PCBP3: variants seen among roughly 807,000 people sequenced by gnomAD.
PCBP3 encodes the protein poly(rC)-binding protein 3.
In PCBP3, 25 loss-of-function variants were observed where a neutral mutation model predicts 52.7. The observed-to-expected ratio is 0.47, with a 90% CI of 0.35 to 0.66. The LOEUF is 0.66. Ranked by LOEUF, PCBP3 falls within the 30% of genes least tolerant of loss-of-function variation. The pLI, the probability that PCBP3 is intolerant of heterozygous loss-of-function variation, is 0.01. For missense variants in PCBP3, 391 were observed against 490.3 expected (o/e 0.80, Z 1.91); for synonymous variants, 162 against 183.0 (o/e 0.89, Z 0.93).
intron 13 of PCBP3, among the ~76,000 whole-genome samples, chr21:45,921,683 G>A (rs1387904859): frequency 6.6e-6 from 1 of 152,186 alleles, no homozygotes; most frequent in African/African-American, 2.4e-5. Context: ...GCCAGACGTG[G>A]TGGCACACGC....
intron 1 of PCBP3, among the ~76,000 whole-genome samples, chr21:45,665,972 T>C (rs1309468128): frequency 6.6e-5 from 10 of 152,192 alleles, no homozygotes; most frequent in Admixed American, 5.9e-4. Context: ...TCAACATATG[T>C]AAATCATTAA....
At chr21:45,679,086 T>C (rs1161279462) in intron 2 of PCBP3, among the ~76,000 whole-genome samples, 1 of 151,720 alleles carries the variant, frequency 6.6e-6, no homozygotes, top group African/African-American at 2.4e-5. Context: ...GCATTTTTTT[T>C]TTTTTTTTTT....
chr21:45,911,131 A>C, intron 11 of PCBP3, 101 bp downstream of exon 11: 1 of 1,366,216 alleles, frequency 7.3e-7, no homozygotes, highest in Non-Finnish European at 1.0e-6. Flanking sequence ...AAGGACTCAC[A>C]CAGTTGGGGC....
chr21:45,868,408 G>GTT (rs1422339005), intron 5 of PCBP3, among the ~76,000 whole-genome samples: 18 of 96,780 alleles, frequency 1.9e-4, no homozygotes, highest in Admixed American at 3.3e-4. Flanking sequence ...TGACTTATTT[G>GTT]TTCTTTTTTT....
intron 4 of PCBP3, among the ~76,000 whole-genome samples, chr21:45,826,207 G>A (rs942073101): frequency 6.6e-6 from 1 of 151,596 alleles, no homozygotes; most frequent in African/African-American, 2.4e-5. Flanking sequence ...GTGGTGAGCC[G>A]AGATTGCGGC....
chr21:45,711,614 C>T (rs1260037768), intron 2 of PCBP3, among the ~76,000 whole-genome samples: 1 of 152,192 alleles, frequency 6.6e-6, no homozygotes, highest in Non-Finnish European at 1.5e-5. Context: ...TCAGTGCTTA[C>T]AGTTCCTTTT....
chr21:45,901,725 TGA>T (rs1223547586), intron 9 of PCBP3: 8 of 122,770 alleles, frequency 6.5e-5, no homozygotes, highest in South Asian at 2.6e-4. Flanking sequence ...GAGAGAGAGA[TGA>T]GAGAGAGAGA....
rs1045115293 is a variant in PCBP3, at chr21:45,928,011, C to G, written c.718-1906C>G. On this transcript the variant is annotated intron_variant, in intron 13 of 17. Coordinates refer to ENST00000681687, the MANE Select transcript of PCBP3 (RefSeq NM_001384156.1). The surrounding 1 kb of genome is among the most constrained non-coding windows in gnomAD (Gnocchi z 4.1). The stretch of plus-strand genomic sequence containing the variant: ...CTGTGGATGAATTTGCCAGGAGTGT[C>G]TCACCCCGCCGTGGGCGATCTTGCC... Among the ~76,000 whole-genome samples the G allele has an allele frequency of 6.6e-6, 1 of 152,302 alleles. No individual in the cohort carries two copies. The highest frequency in any genetic ancestry group is 2.1e-4 in the South Asian group (1 of 4,828).
intron 2 of PCBP3, among the ~76,000 whole-genome samples, chr21:45,675,578 C>T (rs188520751): frequency 7.2e-5 from 11 of 152,276 alleles, no homozygotes; most frequent in Admixed American, 2.0e-4. Flanking sequence ...GAGCACTAGG[C>T]GTATTGCAGT....
chr21:45,931,316 G>A (rs544368276), intron 15 of PCBP3, among the ~76,000 whole-genome samples: 9 of 152,386 alleles, frequency 5.9e-5, no homozygotes, highest in South Asian at 2.1e-4. Flanking sequence ...CTAGGTGCCC[G>A]TGAAGAAGAT....
At chr21:45,671,634 G>A (rs1273443284) in intron 2 of PCBP3, among the ~76,000 whole-genome samples, 1 of 152,176 alleles carries the variant, frequency 6.6e-6, no homozygotes, top group African/African-American at 2.4e-5. Context: ...GAAAGAACCT[G>A]TTACAGGATT....
chr21:45,843,407 T>A (rs1170780213), intron 4 of PCBP3, among the ~76,000 whole-genome samples: 1 of 152,262 alleles, frequency 6.6e-6, no homozygotes, highest in African/African-American at 2.4e-5. Flanking sequence ...GTTTCTTTGC[T>A]TAACTTCTGA....
chr21:45,669,799 GTGTGTGTATATATA>G (rs1475604421), intron 2 of PCBP3, among the ~76,000 whole-genome samples: 393 of 88,136 alleles, frequency 4.5e-3, no homozygotes, highest in East Asian at 0.021. Context: ...GTGTGTGTGT[GTGTGTGTATATATA>G]TATATATATA....
chr21:45,660,505 G>A (rs558454276), intron 1 of PCBP3, among the ~76,000 whole-genome samples: 2 of 152,124 alleles, frequency 1.3e-5, no homozygotes, highest in South Asian at 4.1e-4. Context: ...TTTGCTTCTT[G>A]TTTTCTCTAT....
chr21:45,879,269 G>A (rs1390785514), intron 5 of PCBP3, among the ~76,000 whole-genome samples: 1 of 152,176 alleles, frequency 6.6e-6, no homozygotes, highest in Non-Finnish European at 1.5e-5. Flanking sequence ...ACAAGCGTTA[G>A]CCACTGCGCC....
intron 1 of PCBP3, among the ~76,000 whole-genome samples, chr21:45,665,541 A>G (rs1475187057): frequency 1.3e-5 from 2 of 152,228 alleles, no homozygotes; most frequent in Non-Finnish European, 2.9e-5. Flanking sequence ...ATATCCAAAC[A>G]TACGACCTTC....
intron 1 of PCBP3, among the ~76,000 whole-genome samples, chr21:45,660,074 C>G (rs2080283947): frequency 6.6e-6 from 1 of 151,938 alleles, no homozygotes; most frequent in Admixed American, 6.6e-5. Context: ...GTTGAACTGT[C>G]TGATTCTCCC....
At chr21:45,645,572 TTCAACATATAG>T in intron 1 of PCBP3, among the ~76,000 whole-genome samples, 1 of 152,368 alleles carries the variant, frequency 6.6e-6, no homozygotes, top group South Asian at 2.1e-4. Context: ...TGCGAAAAAG[TTCAACATATAG>T]TTGTATTTTG....
Position 45,880,718 on chromosome 21 carries a change from G to A in PCBP3, c.11-15490G>A, listed in dbSNP as rs757686756. Among the ~76,000 whole-genome samples the A allele has an allele frequency of 2.0e-5, 3 of 152,152 alleles. No individual in the cohort carries two copies. The highest frequency in any genetic ancestry group is 2.9e-5 in the Non-Finnish European group (2 of 68,020). ...TGACTGCAGCAGGGCCAGGAGAGAC[G>A]GGGTTGTAGGTACAGCCTGGTAGGC... On this transcript the variant is annotated intron_variant, in intron 5 of 17. Transcript: ENST00000681687. The surrounding 1 kb of genome is among the most constrained non-coding windows in gnomAD (Gnocchi z 5.4).
Sources: allele counts gnomAD v4.1 joint callset (sites outside exome capture counted in the v4.1 genomes callset), GRCh38; gene constraint gnomAD v4.1.1; non-coding constraint Gnocchi (gnomAD v3.1); transcripts MANE v1.5; gene names NCBI Gene and HGNC (gene_info 2026-07-23, HGNC 2026-07-21).